CLEC16A: variants seen among roughly 807,000 people sequenced by gnomAD.
CLEC16A encodes the protein protein CLEC16A.
In CLEC16A, 51 loss-of-function variants were observed where a neutral mutation model predicts 109.5. The observed-to-expected ratio is 0.47, with a 90% CI of 0.37 to 0.59. The LOEUF (loss-of-function observed/expected upper bound fraction) is 0.59. Ranked by LOEUF, CLEC16A falls within the 20% of genes least tolerant of loss-of-function variation. The probability of loss-of-function intolerance (pLI) is 0.00; values close to 1 mark genes in which losing one functional copy is unlikely to be tolerated. For missense variants in CLEC16A, 1,339 were observed against 1,394.0 expected (o/e 0.96, Z 0.63); for synonymous variants, 673 against 564.2 (o/e 1.19, Z -2.73).
intron 22 of CLEC16A, among the ~76,000 whole-genome samples, chr16:11,133,585 C>T (rs1426772801): frequency 6.6e-6 from 1 of 152,228 alleles, no homozygotes; most frequent in African/African-American, 2.4e-5. Context: ...AAGCCTCTGA[C>T]CGCCATCCAA....
rs984953332 is a variant in CLEC16A at position 11,174,298 on chromosome 16, G to C, written c.2807-4037G>C. The C allele has an allele frequency of 4.5e-6, 2 of 446,592 alleles. No individual in the cohort carries two copies. Among genetic ancestry groups the C allele is most frequent in the African/African-American group, 4.0e-5 (2 of 49,758 alleles). The allele number at this position is 446,592 out of a possible 1,614,324, so 27.7% of individuals were successfully genotyped here. ...TTCAGGCAGGTCTCCCCTGTGAGCCGCTCGGGCCGCGACGTCCACTCGCCA... is the reference window on the plus strand; with the variant it reads ...TTCAGGCAGGTCTCCCCTGTGAGCCCCTCGGGCCGCGACGTCCACTCGCCA... On this transcript the variant is annotated intron_variant, in intron 23 of 23. Coordinates refer to ENST00000409790, the MANE Select transcript of CLEC16A (RefSeq NM_015226.3). The surrounding 1 kb of genome is among the most constrained non-coding windows in gnomAD (Gnocchi z 4.7).
chr16:11,055,611 C>A (rs1406297526), intron 18 of CLEC16A, among the ~76,000 whole-genome samples: 1 of 45,168 alleles, frequency 2.2e-5, no homozygotes, highest in Non-Finnish European at 3.4e-5. Context: ...TTTTTTGAGA[C>A]GAGTCTCAGT....
At chr16:11,038,761 A>G (rs1176569193) in intron 13 of CLEC16A, among the ~76,000 whole-genome samples, 1 of 152,168 alleles carries the variant, frequency 6.6e-6, no homozygotes, top group African/African-American at 2.4e-5. Context: ...AGGTTGGCAC[A>G]AAAGTAATTG....
chr16:10,950,782 C>T (rs887979881), intron 1 of CLEC16A, among the ~76,000 whole-genome samples: 1 of 152,204 alleles, frequency 6.6e-6, no homozygotes, highest in Non-Finnish European at 1.5e-5. Context: ...ATCCCTCTAC[C>T]ACACCTGAGA....
At chr16:11,171,127 T>C (rs2068493462) in intron 23 of CLEC16A, among the ~76,000 whole-genome samples, 1 of 152,188 alleles carries the variant, frequency 6.6e-6, no homozygotes, top group African/African-American at 2.4e-5. Flanking sequence ...GAGGACACTT[T>C]TGAGGAACAT....
chr16:11,011,626 G>C (rs2045420078), intron 11 of CLEC16A, among the ~76,000 whole-genome samples: 1 of 152,050 alleles, frequency 6.6e-6, no homozygotes, highest in Non-Finnish European at 1.5e-5. Flanking sequence ...GCCAAGATTT[G>C]GGCACTGGAT....
At position 11,178,936 on chromosome 16, in the gene CLEC16A, T is replaced by G. The variant is rs2068874195; in HGVS notation, c.*246T>G. On this transcript the variant is annotated 3_prime_UTR_variant, in exon 24 of 24. Coordinates refer to ENST00000409790, the MANE Select transcript of CLEC16A (RefSeq NM_015226.3). The surrounding 1 kb of genome is among the most constrained non-coding windows in gnomAD (Gnocchi z 6.5). Reference sequence around the variant, plus strand: ...AGACACCGCGGCGAATGCAGATGACTGCACCGGCCACTCAGGGAGCTGCCT... The same window carrying G: ...AGACACCGCGGCGAATGCAGATGACGGCACCGGCCACTCAGGGAGCTGCCT... The G allele has an allele frequency of 6.8e-6, 3 of 441,886 alleles. No homozygotes were observed. In the Admixed American group the frequency reaches 1.2e-4, roughly 18 times the overall value. The allele number at this position is 441,886 out of a possible 1,614,324, so 27.4% of individuals were successfully genotyped here. A position where few individuals can be genotyped will look rare whatever the true frequency, so the allele number is the denominator to read the frequency against.
intron 18 of CLEC16A, among the ~76,000 whole-genome samples, chr16:11,054,208 G>A (rs892425429): frequency 6.6e-6 from 1 of 152,228 alleles, no homozygotes; most frequent in African/African-American, 2.4e-5. Flanking sequence ...TGCTGGGCTG[G>A]GGCAGATGGT....
chr16:10,986,963 C>T (rs927398350), intron 10 of CLEC16A, among the ~76,000 whole-genome samples: 6 of 151,890 alleles, frequency 4.0e-5, no homozygotes, highest in South Asian at 2.1e-4. Context: ...AAGTGATTCT[C>T]GTGCCTCAGC....
At chr16:10,989,295 A>T (rs1419228255) in intron 10 of CLEC16A, among the ~76,000 whole-genome samples, 1 of 152,106 alleles carries the variant, frequency 6.6e-6, no homozygotes, top group Non-Finnish European at 1.5e-5. Context: ...ATCCTAGCTC[A>T]CTGCAGCCTC....
chr16:10,944,902 G>C, intron 1 of CLEC16A, 105 bp downstream of exon 1: 3 of 1,072,484 alleles, frequency 2.8e-6, no homozygotes, highest in Non-Finnish European at 4.1e-6. Context: ...GGCGAAGGGC[G>C]CCCGGGGAAG....
rs141669941 is a variant in CLEC16A, at chr16:11,071,369, C to T, written c.2116+10347C>T. On this transcript the variant is annotated intron_variant, in intron 19 of 23. Transcript: ENST00000409790. ...AATACGGAACATTCTAGAAGACAGC[C>T]GACCTGAGTTTTTCAAGAATGTAAA... 9.9e-5 allele frequency among the ~76,000 whole-genome samples: 15 copies of T among 152,060 alleles called. No individual in the cohort carries two copies. The East Asian group carries it at 2.3e-3, about 23-fold the overall frequency.
At chr16:11,009,595 G>T (rs973979779) in intron 11 of CLEC16A, among the ~76,000 whole-genome samples, 2 of 152,182 alleles carry the variant, frequency 1.3e-5, no homozygotes, top group African/African-American at 4.8e-5. Flanking sequence ...GTTGTGTGAT[G>T]GCGCCGTACC....
intron 22 of CLEC16A, among the ~76,000 whole-genome samples, chr16:11,144,325 C>T (rs889390848): frequency 6.6e-6 from 1 of 152,208 alleles, no homozygotes; most frequent in African/African-American, 2.4e-5. Context: ...GTGACGAGGC[C>T]TGCTCAGCTC....
chr16:11,052,550 T>C (rs762777696), intron 18 of CLEC16A, among the ~76,000 whole-genome samples: 6 of 152,066 alleles, frequency 3.9e-5, no homozygotes, highest in Non-Finnish European at 5.9e-5. Flanking sequence ...CAATCCACAT[T>C]TCCAACTGTC....
intron 10 of CLEC16A, among the ~76,000 whole-genome samples, chr16:11,000,038 A>T (rs1001663485): frequency 6.6e-6 from 1 of 152,190 alleles, no homozygotes; most frequent in Non-Finnish European, 1.5e-5. Context: ...GAGTTTCACT[A>T]TATTGGCCAG....
intron 11 of CLEC16A, among the ~76,000 whole-genome samples, chr16:11,019,349 T>C (rs897392724): frequency 3.3e-5 from 5 of 152,218 alleles, no homozygotes; most frequent in Non-Finnish European, 5.9e-5. Flanking sequence ...AGCTGATTGC[T>C]ACAGGTTACC....
chr16:11,052,334 C>T (rs2047991885), intron 18 of CLEC16A, among the ~76,000 whole-genome samples: 1 of 152,162 alleles, frequency 6.6e-6, no homozygotes, highest in Non-Finnish European at 1.5e-5. Flanking sequence ...CAGAGGAATT[C>T]ATTGCACACA....
chr16:11,151,164 G>T (rs114247880), intron 22 of CLEC16A, among the ~76,000 whole-genome samples: 1 of 152,280 alleles, frequency 6.6e-6, no homozygotes, highest in East Asian at 1.9e-4. Context: ...TACTTAATCC[G>T]CTTATACTGG....
Sources: gnomAD v4.1 joint callset for allele counts (sites outside exome capture counted in the v4.1 genomes callset) on GRCh38, gnomAD v4.1.1 for gene constraint, Gnocchi (gnomAD v3.1) non-coding constraint, MANE v1.5 for transcripts, NCBI Gene and HGNC (gene_info 2026-07-23, HGNC 2026-07-21) for gene names.